Variants in KCNQ1 observed in about 807,000 individuals in gnomAD.
KCNQ1 encodes the protein potassium voltage-gated channel subfamily KQT member 1.
In KCNQ1, 49 loss-of-function variants were observed where a neutral mutation model predicts 72.4. The observed-to-expected ratio is 0.68, with a 90% CI of 0.54 to 0.86. KCNQ1 has a LOEUF of 0.86. KCNQ1 is among the 40% of genes least tolerant of loss of function. KCNQ1 has a pLI of 0.00. For missense variants in KCNQ1, 790 were observed against 945.1 expected, an observed-to-expected ratio of 0.84 and a Z score of 2.15; for synonymous variants, 450 against 412.6, an observed-to-expected ratio of 1.09 and a Z score of -1.10.
In KCNQ1 at chr11:2,613,249, G is replaced by C. The variant is rs143012140; in HGVS notation, c.1393+24395G>C. The C allele has an allele frequency of 2.4e-4, 95 of 398,528 alleles. No individual in the cohort carries two copies. The highest frequency in any genetic ancestry group is 1.8e-3 in the African/African-American group (86 of 48,690). 24.7% of individuals were successfully genotyped at this position (398,528 alleles called of 1,614,324 possible). ...TCTCACAGTCAGCCAAGGATAAGTA[G>C]ATAGCAGGAAACCTCTCTGATCTCT... is the stretch of plus-strand genomic sequence containing the variant. On this transcript the variant is annotated intron_variant, in intron 10 of 15. Coordinates refer to ENST00000155840, the MANE Select transcript of KCNQ1 (RefSeq NM_000218.3). This position sits in a 1 kb window ranked among gnomAD's most constrained non-coding sequence, Gnocchi z 4.8.
chr11:2,760,051 C>T (rs1468812358), intron 11 of KCNQ1, among the ~76,000 whole-genome samples: 2 of 152,214 alleles, frequency 1.3e-5, no homozygotes, highest in Admixed American at 6.5e-5. Flanking sequence ...CTCTGCTTTC[C>T]CACAGTGTCC....
At chr11:2,705,733 C>G (rs1463209336) in intron 11 of KCNQ1, among the ~76,000 whole-genome samples, 1 of 152,242 alleles carries the variant, frequency 6.6e-6, no homozygotes. Context: ...GAAGTTGTTT[C>G]TGATTATCTC....
chr11:2,655,484 C>G (rs1195981832), intron 10 of KCNQ1: 5 of 398,570 alleles, frequency 1.3e-5, no homozygotes, highest in Admixed American at 8.8e-5. Flanking sequence ...TCCTGCAGAG[C>G]CTGGATATCC....
intron 1 of KCNQ1, among the ~76,000 whole-genome samples, chr11:2,445,862 C>T (rs1846029526): frequency 6.6e-6 from 1 of 152,116 alleles, no homozygotes; most frequent in Non-Finnish European, 1.5e-5. Context: ...GGCTGAGACT[C>T]GAGGCTCAGG....
intron 15 of KCNQ1, among the ~76,000 whole-genome samples, chr11:2,789,196 G>A (rs142791592): frequency 5.9e-5 from 9 of 152,244 alleles, no homozygotes; most frequent in Admixed American, 2.6e-4. Flanking sequence ...CACCCCTAAA[G>A]TCAAAATGTA....
In KCNQ1 at chr11:2,464,003, C is replaced by G. The variant is rs562254428; in HGVS notation, c.386+18519C>G. The stretch of plus-strand genomic sequence containing the variant: ...GATAACCGTGGACCGGGGTGACAGG[C>G]CCTGACTCTGCAGAGCAGGACTGTG... On this transcript the variant is annotated intron_variant, in intron 1 of 15. Transcript: ENST00000155840. The surrounding 1 kb of genome is among the most constrained non-coding windows in gnomAD (Gnocchi z 5.0). Among the ~76,000 whole-genome samples, 1 of 152,216 alleles carries G rather than the reference C, an allele frequency of 6.6e-6. No homozygotes were observed. Among genetic ancestry groups the G allele is most frequent in the Non-Finnish European group, 1.5e-5 (1 of 68,040 alleles).
Position 2,471,258 on chromosome 11 carries a change from C to T in KCNQ1, c.386+25774C>T, listed in dbSNP as rs1461623064. On this transcript the variant is annotated intron_variant, in intron 1 of 15. Coordinates refer to ENST00000155840, the MANE Select transcript of KCNQ1 (RefSeq NM_000218.3). The surrounding 1 kb of genome is among the most constrained non-coding windows in gnomAD (Gnocchi z 4.8). ...CTTCAGGGTCCCCAACTTTTCAGAC[C>T]CCACCTCTGTGTTGCTCTGCAAGTG... Among the ~76,000 whole-genome samples, 5 of 152,058 alleles carry T rather than the reference C, an allele frequency of 3.3e-5. No homozygotes were observed. Among genetic ancestry groups the T allele is most frequent in the African/African-American group, 1.2e-4 (5 of 41,390 alleles).
rs989162024 is a variant in KCNQ1 at position 2,468,748 on chromosome 11, G to A, written c.386+23264G>A. ...GAGCTGTGTGTCTGTTGTGTGTGTC[G>A]GCCTGTTGTTTGGGTAGAGCCTACT... On this transcript the variant is annotated intron_variant, in intron 1 of 15. Transcript: ENST00000155840. The surrounding 1 kb of genome is among the most constrained non-coding windows in gnomAD (Gnocchi z 5.7). Among the ~76,000 whole-genome samples, 5 of 152,110 alleles carry A rather than the reference G, an allele frequency of 3.3e-5. No individual in the cohort carries two copies. The highest frequency in any genetic ancestry group is 7.3e-5 in the Non-Finnish European group (5 of 68,030).
Position 2,572,728 on chromosome 11 carries a change from C to T in KCNQ1, c.781-118C>T, listed in dbSNP as rs572612219. ...TGAAGCCGGCCCTGTGCATGTGAAC[C>T]GCGCTGGAGCGGCGTAGGACGCCCA... On this transcript the variant is annotated intron_variant, in intron 5 of 15. Coordinates refer to ENST00000155840, the MANE Select transcript of KCNQ1 (RefSeq NM_000218.3). 52 of 1,343,756 alleles carry T rather than the reference C, an allele frequency of 3.9e-5. No individual in the cohort carries two copies. In the East Asian group the frequency reaches 4.9e-4, roughly 13 times the overall value. 83.2% of individuals were successfully genotyped at this position (1,343,756 alleles called of 1,614,324 possible).
In KCNQ1 at chr11:2,818,158, G is replaced by A. The variant is rs767892196; in HGVS notation, c.1795-29609G>A. Among the ~76,000 whole-genome samples, 7 of 152,136 alleles carry A rather than the reference G, an allele frequency of 4.6e-5. No individual in the cohort carries two copies. Among genetic ancestry groups the A allele is most frequent in the East Asian group, 1.9e-4 (1 of 5,194 alleles). On this transcript the variant is annotated intron_variant, in intron 15 of 15. Transcript: ENST00000155840. The surrounding 1 kb of genome is among the most constrained non-coding windows in gnomAD (Gnocchi z 7.2). ...GTCTGCTGGCCCTCAGAGTGGGAGCGCGTGCCCCAACTTCCGAGCCCTAGG... is the reference window on the plus strand; with the variant it reads ...GTCTGCTGGCCCTCAGAGTGGGAGCACGTGCCCCAACTTCCGAGCCCTAGG...
intron 1 of KCNQ1, among the ~76,000 whole-genome samples, chr11:2,499,491 G>A (rs1427646597): frequency 1.3e-5 from 2 of 150,614 alleles, no homozygotes; most frequent in Non-Finnish European, 3.0e-5. Context: ...GGCTAACCTT[G>A]CCAATCAAAA....
rs1197241742 is a variant in KCNQ1, at chr11:2,710,004, A to T, written c.1514+47923A>T. 6.6e-6 allele frequency among the ~76,000 whole-genome samples: 1 copy of T among 152,240 alleles called. No individual in the cohort carries two copies. The highest frequency in any genetic ancestry group is 1.5e-5 in the Non-Finnish European group (1 of 68,040). On this transcript the variant is annotated intron_variant, in intron 11 of 15. Transcript: ENST00000155840. This position sits in a 1 kb window ranked among gnomAD's most constrained non-coding sequence, Gnocchi z 4.1. ...TTTCATTTTTCTTGAGTATTCACAG[A>T]GGAGTAGAAACGCTGGGTCATATGG...
At chr11:2,625,773 G>C (rs1442775280) in intron 10 of KCNQ1, 2 of 397,824 alleles carry the variant, frequency 5.0e-6, no homozygotes, top group Middle Eastern at 6.3e-4. Flanking sequence ...GTTTCACCCT[G>C]TTAGCCAGGA....
At chr11:2,829,908 G>A (rs1283699628) in intron 15 of KCNQ1, among the ~76,000 whole-genome samples, 2 of 134,696 alleles carry the variant, frequency 1.5e-5, no homozygotes, top group African/African-American at 5.4e-5. Context: ...TGGTGCCAGA[G>A]AATAGGGAAT....
At chr11:2,799,049 C>A (rs1033029340) in intron 15 of KCNQ1, among the ~76,000 whole-genome samples, 1 of 152,222 alleles carries the variant, frequency 6.6e-6, no homozygotes, top group Non-Finnish European at 1.5e-5. Context: ...TCTAAACAGG[C>A]ACCTTCAAAG....
At chr11:2,672,154 T>G (rs538484127) in intron 11 of KCNQ1, 1 of 398,718 alleles carries the variant, frequency 2.5e-6, no homozygotes, top group African/African-American at 2.1e-5. Context: ...CTTTCAAAGT[T>G]GGGCTTGTTT....
chr11:2,584,478 T>G (rs534288992), intron 7 of KCNQ1, among the ~76,000 whole-genome samples: 1 of 151,686 alleles, frequency 6.6e-6, no homozygotes, highest in Non-Finnish European at 1.5e-5. Context: ...TGTATGTTAG[T>G]GTTAGTGTGT....
intron 15 of KCNQ1, among the ~76,000 whole-genome samples, chr11:2,798,444 C>T (rs1359578339): frequency 6.6e-6 from 1 of 152,114 alleles, no homozygotes. Context: ...GGGGGGCCTC[C>T]TTACTGGGGT....
rs926606593 is a variant in KCNQ1, at chr11:2,538,080, T to C, written c.477+10062T>C. ...GAGGCAGTATGACCGTTTCTCCGTA[T>C]AAAGCCCGTGTATATCCTCTGGAAT... is the stretch of plus-strand genomic sequence containing the variant. On this transcript the variant is annotated intron_variant, in intron 2 of 15. Transcript: ENST00000155840. This position sits in a 1 kb window ranked among gnomAD's most constrained non-coding sequence, Gnocchi z 6.7. 2.0e-5 allele frequency among the ~76,000 whole-genome samples: 3 copies of C among 152,184 alleles called. No individual in the cohort carries two copies. The highest frequency in any genetic ancestry group is 4.4e-5 in the Non-Finnish European group (3 of 68,038).
Sources: gnomAD v4.1 joint callset for allele counts (sites outside exome capture counted in the v4.1 genomes callset) on GRCh38, gnomAD v4.1.1 for gene constraint, Gnocchi (gnomAD v3.1) non-coding constraint, MANE v1.5 for transcripts, NCBI Gene and HGNC (gene_info 2026-07-23, HGNC 2026-07-21) for gene names.